The following SLC15A4 variants were observed in gnomAD, a reference collection of about 807,000 sequenced individuals.
SLC15A4 encodes hPHT1.
Under a neutral mutation model 46.1 loss-of-function variants are expected in SLC15A4, and 26 were observed. That is an observed-to-expected ratio of 0.56 (90% CI 0.41 to 0.78). SLC15A4 has a LOEUF of 0.78. SLC15A4 is among the 30% of genes least tolerant of loss of function. The pLI is 0.00. For missense variants in SLC15A4, 751 were observed against 755.7 expected (o/e 0.99, Z 0.07); for synonymous variants, 370 against 333.4 (o/e 1.11, Z -1.20).
At chr12:128,818,992 C>G (rs1336327244) in intron 1 of SLC15A4, among the ~76,000 whole-genome samples, 1 of 152,164 alleles carries the variant, frequency 6.6e-6, no homozygotes, top group Non-Finnish European at 1.5e-5. Flanking sequence ...TTTATACATT[C>G]ATCAGTGAAC....
chr12:128,818,593 G>T (rs1407701541), intron 1 of SLC15A4, among the ~76,000 whole-genome samples: 1 of 152,198 alleles, frequency 6.6e-6, no homozygotes, highest in African/African-American at 2.4e-5. Context: ...CCTGGCATAA[G>T]GGTACTTTTC....
intron 5 of SLC15A4, among the ~76,000 whole-genome samples, chr12:128,807,731 A>G (rs1395007265): frequency 2.0e-5 from 3 of 152,258 alleles, no homozygotes; most frequent in Non-Finnish European, 2.9e-5. Flanking sequence ...GCTCTGGAAG[A>G]GAAGCTGAAT....
In SLC15A4 at chr12:128,800,963, A is replaced by G. The variant is rs1172252197; in HGVS notation, c.1305T>C (p.Ile435=). ...KRLNLVKEKT[I]NQTIGNVVYH... ...AGACGACGTTGCCGATGGTCTGATT[A>G]ATGGTTTTCTCTTTAACAAGGTTCA... Residue 435 remains isoleucine (I), a synonymous_variant, in exon 6 of 8, where the codon ATT becomes ATC. Transcript: ENST00000266771. The G allele has an allele frequency of 6.2e-7, 1 of 1,613,934 alleles. No homozygotes were observed. Among genetic ancestry groups the G allele is most frequent in the South Asian group, 1.1e-5 (1 of 91,042 alleles).
chr12:128,817,865 C>T (rs970132539), intron 1 of SLC15A4, among the ~76,000 whole-genome samples: 1 of 152,178 alleles, frequency 6.6e-6, no homozygotes, highest in Non-Finnish European at 1.5e-5. Flanking sequence ...GCGAGCAGGC[C>T]ACAACCTCCT....
intron 7 of SLC15A4, among the ~76,000 whole-genome samples, chr12:128,795,160 T>C (rs962045462): frequency 1.3e-5 from 2 of 151,996 alleles, no homozygotes; most frequent in African/African-American, 4.8e-5. Context: ...ACATCGTGAA[T>C]TCTGGATTCA....
chr12:128,806,165 CAAAA>C (rs765448653), intron 5 of SLC15A4, among the ~76,000 whole-genome samples: 4 of 86,300 alleles, frequency 4.6e-5, no homozygotes, highest in Admixed American at 4.3e-4. Flanking sequence ...GACTCTGTCT[CAAAA>C]AAAAAAAAAA....
chr12:128,803,821 G>A (rs7970815), intron 5 of SLC15A4, among the ~76,000 whole-genome samples: 80,127 of 152,080 alleles, frequency 0.53, 21,831 homozygotes, highest in Non-Finnish European at 0.61. Context: ...CCTACAACAT[G>A]TCCGGGACGA....
In SLC15A4 at chr12:128,809,770, T is replaced by C. The variant is rs968659514; in HGVS notation, c.1011+173A>G. 1.3e-5 allele frequency: 8 copies of C among 610,034 alleles called. No individual in the cohort carries two copies. In the African/African-American group the frequency reaches 1.5e-4, roughly 11 times the overall value. 37.8% of individuals were successfully genotyped at this position (610,034 alleles called of 1,614,324 possible). A position where few individuals can be genotyped will look rare whatever the true frequency, so the allele number is the denominator to read the frequency against. On this transcript the variant is annotated intron_variant, in intron 3 of 7. Coordinates refer to ENST00000266771, the MANE Select transcript of SLC15A4 (RefSeq NM_145648.4). ...TTCTTTTTCAGAGAGGCTTTAGACA[T>C]AGTTAAAGCAGCCAAAATGACTCCA...
chr12:128,823,225 C>T (rs1955874880), intron 1 of SLC15A4, among the ~76,000 whole-genome samples, 173 bp downstream of exon 1: 1 of 152,268 alleles, frequency 6.6e-6, no homozygotes, highest in South Asian at 2.1e-4. Context: ...CCCATCACAC[C>T]GGTACCTCCA....
At chr12:128,812,478 C>T (rs368808456) in intron 2 of SLC15A4, among the ~76,000 whole-genome samples, 30 of 152,178 alleles carry the variant, frequency 2.0e-4, no homozygotes, top group African/African-American at 7.2e-4. Flanking sequence ...CGCCACCACG[C>T]CCGGCTAATT....
chr12:128,804,018 T>C (rs538247334), intron 5 of SLC15A4, among the ~76,000 whole-genome samples: 1 of 152,338 alleles, frequency 6.6e-6, no homozygotes, highest in East Asian at 1.9e-4. Flanking sequence ...TCAGGCCCAC[T>C]GCCAGTACTG....
chr12:128,818,971 A>G (rs1347182297), intron 1 of SLC15A4, among the ~76,000 whole-genome samples: 1 of 152,174 alleles, frequency 6.6e-6, no homozygotes, highest in South Asian at 2.1e-4. Context: ...GTATGGATAT[A>G]CTATATTTAG....
At chr12:128,820,362 G>C (rs1955816127) in intron 1 of SLC15A4, among the ~76,000 whole-genome samples, 1 of 152,162 alleles carries the variant, frequency 6.6e-6, no homozygotes, top group Admixed American at 6.5e-5. Flanking sequence ...CAGTAAAGTG[G>C]ATCTAAGACT....
chr12:128,801,106 G>T, intron 5 of SLC15A4, 97 bp from the exon 6 acceptor site: 1 of 1,157,968 alleles, frequency 8.6e-7, no homozygotes, highest in Non-Finnish European at 1.2e-6. Flanking sequence ...TAGCAAACGT[G>T]ATTCTGATGC....
chr12:128,802,285 C>A (rs543394009), intron 5 of SLC15A4, among the ~76,000 whole-genome samples: 15 of 152,242 alleles, frequency 9.9e-5, no homozygotes, highest in Admixed American at 7.9e-4. Context: ...GCCTTCCTCC[C>A]GACAGGGCAG....
In SLC15A4 at chr12:128,808,833, T is replaced by A. The variant is rs1566051200; in HGVS notation, c.1213A>T (p.Ile405Phe). 6.2e-7 allele frequency: 1 copy of A among 1,614,224 alleles called. No homozygotes were observed. Among genetic ancestry groups the A allele is most frequent in the Non-Finnish European group, 8.5e-7 (1 of 1,180,046 alleles). Residue 405 changes from isoleucine to phenylalanine, a missense_variant, in exon 5 of 8, where the codon ATC (isoleucine) becomes TTC (phenylalanine). By Grantham distance (21) the Ile-to-Phe change is conservative (BLOSUM62 0). Transcript: ENST00000266771. ...ATGACAAAGAACATGCCCACGGCGA[T>A]CCTCTTCAGGGAGGATGGGAGCAGG... is the stretch of plus-strand genomic sequence containing the variant. The part of the protein sequence containing the change: ...HGLLPSSLKR[I>F]AVGMFFVMCS...
At chr12:128,817,740 T>C (rs551879341) in intron 1 of SLC15A4, among the ~76,000 whole-genome samples, 3 of 152,326 alleles carry the variant, frequency 2.0e-5, no homozygotes, top group East Asian at 1.9e-4. Flanking sequence ...GAGTAATCCA[T>C]CAAAATTACT....
In SLC15A4 at chr12:128,806,735, T is replaced by A. The variant is rs374829822; in HGVS notation, c.1258+2053A>T. 3.9e-5 allele frequency among the ~76,000 whole-genome samples: 6 copies of A among 152,108 alleles called. No homozygotes were observed. In the South Asian group the frequency reaches 1.2e-3, roughly 32 times the overall value. ...CGCACACATGCTGTGAACTTTCCAC[T>A]TCCATGTCACCAATTCAGAGGCTCT... is the stretch of plus-strand genomic sequence containing the variant. On this transcript the variant is annotated intron_variant, in intron 5 of 7. Coordinates refer to ENST00000266771, the MANE Select transcript of SLC15A4 (RefSeq NM_145648.4).
chr12:128,816,075 G>A (rs1955747048), intron 1 of SLC15A4: 1 of 152,218 alleles, frequency 6.6e-6, no homozygotes, highest in Non-Finnish European at 1.5e-5. Context: ...GAGAAATTCT[G>A]ATAAGGGTGG....
Sources: allele counts gnomAD v4.1 joint callset (sites outside exome capture counted in the v4.1 genomes callset), GRCh38; gene constraint gnomAD v4.1.1; transcripts MANE v1.5; gene names NCBI Gene and HGNC (gene_info 2026-07-23, HGNC 2026-07-21).